RAI1: variants seen among roughly 807,000 people sequenced by gnomAD.
RAI1 encodes the protein retinoic acid induced 1.
Under a neutral mutation model 123.8 loss-of-function variants are expected in RAI1, and 9 were observed. The ratio of observed to expected loss-of-function variants is 0.07; its 90% confidence interval spans 0.04 to 0.13. The LOEUF (loss-of-function observed/expected upper bound fraction) is 0.13. RAI1 is among the 10% of genes least tolerant of loss of function. RAI1 has a pLI of 1.00. For synonymous variants in RAI1, 1,231 were observed against 1,127.3 expected (o/e 1.09, Z -1.84); for missense variants, 2,256 against 2,545.8 (o/e 0.89, Z 2.45).
intron 2 of RAI1, among the ~76,000 whole-genome samples, chr17:17,733,610 T>G (rs1916335785): frequency 6.6e-6 from 1 of 152,120 alleles, no homozygotes; most frequent in African/African-American, 2.4e-5. Flanking sequence ...CAGGTCCCAG[T>G]AAGGGCAGGA....
chr17:17,762,527 T>C (rs1315749923), intron 2 of RAI1, among the ~76,000 whole-genome samples: 1 of 152,212 alleles, frequency 6.6e-6, no homozygotes, highest in African/African-American at 2.4e-5. Context: ...GCAGGAGATC[T>C]GGCTCTCAGC....
intron 2 of RAI1, among the ~76,000 whole-genome samples, chr17:17,762,000 C>T (rs886591269): frequency 5.9e-5 from 9 of 152,100 alleles, no homozygotes; most frequent in Non-Finnish European, 1.3e-4. Context: ...GTGAGCGCGG[C>T]CCAGAAACAG....
intron 2 of RAI1, among the ~76,000 whole-genome samples, chr17:17,773,582 T>C (rs907474058): frequency 6.6e-6 from 1 of 152,198 alleles, no homozygotes; most frequent in African/African-American, 2.4e-5. Context: ...TTCATGTTCT[T>C]TGCAGTTTCT....
rs1262628576 is a variant in RAI1, at chr17:17,685,784, G to A, written c.-149+3991G>A. Among the ~76,000 whole-genome samples the A allele has an allele frequency of 1.3e-5, 2 of 152,146 alleles. No individual in the cohort carries two copies. Among genetic ancestry groups the A allele is most frequent in the Non-Finnish European group, 2.9e-5 (2 of 68,018 alleles). ...CCCATGCTGTCCAGGGCCATTTCTG[G>A]TGTCCTCTGCCTGCCCTGTCCTCAT... is the stretch of plus-strand genomic sequence containing the variant. On this transcript the variant is annotated intron_variant, in intron 1 of 5. Transcript: ENST00000353383. The surrounding 1 kb of genome is among the most constrained non-coding windows in gnomAD (Gnocchi z 4.0).
Position 17,809,148 on chromosome 17 carries a change from G to A in RAI1, c.5660-242G>A. The A allele has an allele frequency of 1.7e-6, 1 of 596,272 alleles. No individual in the cohort carries two copies. Among genetic ancestry groups the A allele is most frequent in the Non-Finnish European group, 3.0e-6 (1 of 328,838 alleles). The allele number at this position is 596,272 out of a possible 1,614,324, so 36.9% of individuals were successfully genotyped here. Reference sequence around the variant, plus strand: ...GAGGGGCGGCACGTGGAACTCAGGGGGAAAAGCTCTCCGCGGAGGAGGTGA... The same window carrying A: ...GAGGGGCGGCACGTGGAACTCAGGGAGAAAAGCTCTCCGCGGAGGAGGTGA... On this transcript the variant is annotated intron_variant, in intron 4 of 5. Transcript: ENST00000353383. This position sits in a 1 kb window ranked among gnomAD's most constrained non-coding sequence, Gnocchi z 4.9.
chr17:17,755,085 C>T (rs573304695), intron 2 of RAI1, among the ~76,000 whole-genome samples: 10 of 152,320 alleles, frequency 6.6e-5, no homozygotes, highest in African/African-American at 2.2e-4. Context: ...CTTTGCCTGA[C>T]GTTTGGACTG....
At chr17:17,753,865 G>A (rs1189410930) in intron 2 of RAI1, among the ~76,000 whole-genome samples, 1 of 152,200 alleles carries the variant, frequency 6.6e-6, no homozygotes, top group African/African-American at 2.4e-5. Flanking sequence ...CTAGACTGGA[G>A]GAACTGTGGA....
intron 1 of RAI1, among the ~76,000 whole-genome samples, chr17:17,723,819 A>G (rs2142930306): frequency 6.7e-6 from 1 of 149,238 alleles, no homozygotes; most frequent in South Asian, 2.2e-4. Flanking sequence ...GGATGCGGCC[A>G]CGGGGCCGTC....
Position 17,807,228 on chromosome 17 carries a change from G to A in RAI1, c.5660-2162G>A, listed in dbSNP as rs553307181. On this transcript the variant is annotated intron_variant, in intron 4 of 5. Transcript: ENST00000353383. Reference sequence around the variant, plus strand: ...TTGGGGTGCAGGGAGGGCCCCCAGCGTGACTCTGCCAGCCAGGCGGTGGGG... The same window carrying A: ...TTGGGGTGCAGGGAGGGCCCCCAGCATGACTCTGCCAGCCAGGCGGTGGGG... 7.2e-5 allele frequency among the ~76,000 whole-genome samples: 10 copies of A among 138,806 alleles called. No individual in the cohort carries two copies. The South Asian group carries it at 2.5e-3, about 35-fold the overall frequency. 91.1% of individuals were successfully genotyped at this position (138,806 alleles called of 152,430 possible). A position where few individuals can be genotyped will look rare whatever the true frequency, so the allele number is the denominator to read the frequency against.
chr17:17,809,944 A>C lies in RAI1; in HGVS notation c.5710-26A>C. 6.4e-7 allele frequency: 1 copy of C among 1,560,276 alleles called. No homozygotes were observed. The highest frequency in any genetic ancestry group is 8.7e-7 in the Non-Finnish European group (1 of 1,153,986). ...GACTGTGAAGTCCGAGGTCGTCGGT[A>C]ACTGGCGGGCGGGCGTCTTTTGCAG... On this transcript the variant is annotated intron_variant, in intron 5 of 5. Coordinates refer to ENST00000353383, the MANE Select transcript of RAI1 (RefSeq NM_030665.4). The surrounding 1 kb of genome is among the most constrained non-coding windows in gnomAD (Gnocchi z 4.9).
intron 1 of RAI1, among the ~76,000 whole-genome samples, chr17:17,709,801 G>C (rs1311448268): frequency 6.6e-6 from 1 of 152,224 alleles, no homozygotes; most frequent in African/African-American, 2.4e-5. Flanking sequence ...CGGGCCTGGG[G>C]TGCAGCTTCC....
At chr17:17,774,995 G>T (rs1038250914) in intron 2 of RAI1, among the ~76,000 whole-genome samples, 16 of 152,282 alleles carry the variant, frequency 1.1e-4, no homozygotes, top group African/African-American at 3.8e-4. Context: ...GAGTCTTGGG[G>T]CCCAGAAAAG....
At position 17,809,527 on chromosome 17, in the gene RAI1, C is replaced by G. The variant is rs1276867363; in HGVS notation, c.5709+88C>G. On this transcript the variant is annotated intron_variant, in intron 5 of 5. Transcript: ENST00000353383. The surrounding 1 kb of genome is among the most constrained non-coding windows in gnomAD (Gnocchi z 4.9). ...ACCTCCTTCACAGTCCCCTGGGCCC[C>G]CTTGGCTGCGCAGCCCCGCAGGGCC... 8.5e-6 allele frequency: 12 copies of G among 1,419,152 alleles called. No individual in the cohort carries two copies. The highest frequency in any genetic ancestry group is 1.7e-5 in the Admixed American group (1 of 59,578). The allele number at this position is 1,419,152 out of a possible 1,614,324, so 87.9% of individuals were successfully genotyped here. A position where few individuals can be genotyped will look rare whatever the true frequency, so the allele number is the denominator to read the frequency against.
At chr17:17,728,440 C>G (rs1432335990) in intron 2 of RAI1, among the ~76,000 whole-genome samples, 1 of 152,182 alleles carries the variant, frequency 6.6e-6, no homozygotes. Context: ...GCTCACATCC[C>G]CCAGCCAGGG....
Position 17,797,839 on chromosome 17 carries a change from G to GCCTCCTCTT in RAI1, c.4896_4904dup (p.Ser1637_Ser1639dup). 1.2e-6 allele frequency: 2 copies of GCCTCCTCTT among 1,613,938 alleles called. No individual in the cohort carries two copies. Among genetic ancestry groups the GCCTCCTCTT allele is most frequent in the South Asian group, 1.1e-5 (1 of 91,084 alleles). On this transcript the variant is annotated inframe_insertion, in exon 3 of 6. Transcript: ENST00000353383. Reference sequence around the variant, plus strand: ...GCCCCACAGGAAGCCTTCCTCCTCTGCCTCCTCTTCCTCATCCTCGTCCTC... The same window carrying GCCTCCTCTT: ...GCCCCACAGGAAGCCTTCCTCCTCTGCCTCCTCTTCCTCCTCTTCCTCATCCTCGTCCTC...
intron 2 of RAI1, among the ~76,000 whole-genome samples, chr17:17,757,217 GC>G (rs1471690236): frequency 6.6e-6 from 1 of 152,214 alleles, no homozygotes; most frequent in Non-Finnish European, 1.5e-5. Flanking sequence ...TGGGTGCTCA[GC>G]CCTGGGCCTG....
rs749844346 is a variant in RAI1 at position 17,809,369 on chromosome 17, G to A, written c.5660-21G>A. 6.3e-7 allele frequency: 1 copy of A among 1,598,604 alleles called. No individual in the cohort carries two copies. Among genetic ancestry groups the A allele is most frequent in the Non-Finnish European group, 8.6e-7 (1 of 1,166,156 alleles). The stretch of plus-strand genomic sequence containing the variant: ...GGGCCCCCACCCTGTCCTAACCACC[G>A]AAACTTCTCTTTGGTCACAGGTTGC... On this transcript the variant is annotated intron_variant, in intron 4 of 5. Coordinates refer to ENST00000353383, the MANE Select transcript of RAI1 (RefSeq NM_030665.4). The surrounding 1 kb of genome is among the most constrained non-coding windows in gnomAD (Gnocchi z 4.9).
In RAI1 at chr17:17,798,343, G is replaced by A. The variant is rs756322625; in HGVS notation, c.5395G>A (p.Ala1799Thr). 10 of 1,602,302 alleles carry A rather than the reference G, an allele frequency of 6.2e-6. No homozygotes were observed. Among genetic ancestry groups the A allele is most frequent in the Middle Eastern group, 1.6e-4 (1 of 6,066 alleles). Residue 1799 changes from alanine to threonine, a missense_variant, in exon 3 of 6, where the codon GCC (alanine) becomes ACC (threonine). This residue lies in a region of RAI1 where 243 missense variants were observed against 316.6 expected (regional missense o/e 0.77). Transcript: ENST00000353383. ...REDGGEEAAP[A>T]DKGRKHECSK... ...GGATGGGGGCGAGGAGGCAGCCCCA[G>A]CCGACAAGGGTCGCAAACATGAGTG...
At chr17:17,686,724 G>T (rs967447727) in intron 1 of RAI1, among the ~76,000 whole-genome samples, 1 of 151,788 alleles carries the variant, frequency 6.6e-6, no homozygotes, top group Admixed American at 6.6e-5. Context: ...AGATGGAAGT[G>T]GGGGGACGGC....
Sources: allele counts gnomAD v4.1 joint callset (sites outside exome capture counted in the v4.1 genomes callset), GRCh38; gene constraint gnomAD v4.1.1; regional missense constraint gnomAD v4.1.1; non-coding constraint Gnocchi (gnomAD v3.1); transcripts MANE v1.5; gene names NCBI Gene and HGNC (gene_info 2026-07-23, HGNC 2026-07-21).